XRCC4: variants seen among roughly 807,000 people sequenced by gnomAD.
XRCC4 encodes X-ray repair cross complementing 4.
Under a neutral mutation model 39.1 loss-of-function variants are expected in XRCC4, and 28 were observed. The observed-to-expected ratio is 0.72, with a 90% CI of 0.53 to 0.98. The LOEUF (loss-of-function observed/expected upper bound fraction) is 0.98, where lower values mean the gene tolerates loss of function less well. XRCC4 is among the 50% of genes least tolerant of loss of function. The pLI is 0.00. For missense variants in XRCC4, 350 were observed against 376.4 expected (o/e 0.93, Z 0.58); for synonymous variants, 123 against 126.4 (o/e 0.97, Z 0.18).
intron 3 of XRCC4, among the ~76,000 whole-genome samples, chr5:83,158,005 C>T (rs928695001): frequency 6.6e-6 from 1 of 152,158 alleles, no homozygotes; most frequent in South Asian, 2.1e-4. Flanking sequence ...ATGGGTAGTA[C>T]ATTATATGGG....
chr5:83,331,936 A>T (rs748600185), intron 7 of XRCC4, among the ~76,000 whole-genome samples: 2 of 152,104 alleles, frequency 1.3e-5, no homozygotes, highest in African/African-American at 2.4e-5. Flanking sequence ...TTCAGGATGG[A>T]TAGTACCAAA....
intron 3 of XRCC4, among the ~76,000 whole-genome samples, chr5:83,123,109 T>C (rs745343937): frequency 6.6e-6 from 1 of 152,164 alleles, no homozygotes; most frequent in Non-Finnish European, 1.5e-5. Flanking sequence ...TGTCTACTTC[T>C]TTTAAAAGTG....
intron 7 of XRCC4, among the ~76,000 whole-genome samples, chr5:83,315,963 G>A (rs1755866645): frequency 6.6e-6 from 1 of 152,096 alleles, no homozygotes; most frequent in African/African-American, 2.4e-5. Flanking sequence ...TTCCTCTGAT[G>A]GATCTTCGCA....
chr5:83,319,981 G>T (rs891395398), intron 7 of XRCC4, among the ~76,000 whole-genome samples: 162 of 149,386 alleles, frequency 1.1e-3, no homozygotes, highest in African/African-American at 3.8e-3. Context: ...TGATAGTCTG[G>T]ATTAAGAAAA....
At chr5:83,251,594 A>G (rs1328683838) in intron 6 of XRCC4, among the ~76,000 whole-genome samples, 1 of 152,054 alleles carries the variant, frequency 6.6e-6, no homozygotes, top group East Asian at 1.9e-4. Context: ...AATATCTAAT[A>G]TAATCAACTT....
chr5:83,288,240 A>G (rs1240362654), intron 7 of XRCC4, among the ~76,000 whole-genome samples: 1 of 151,866 alleles, frequency 6.6e-6, no homozygotes, highest in Non-Finnish European at 1.5e-5. Flanking sequence ...TATATCATGC[A>G]GGTGTTGGAT....
At chr5:83,094,912 A>G (rs10473864) in intron 1 of XRCC4, among the ~76,000 whole-genome samples, 1 of 119,534 alleles carries the variant, frequency 8.4e-6, no homozygotes, top group South Asian at 2.4e-4. Context: ...TTACCATTTT[A>G]TGGATTCCAT....
At chr5:83,355,756 C>T (rs964075676), downstream of XRCC4, among the ~76,000 whole-genome samples, 7 of 152,210 alleles carry the variant, frequency 4.6e-5, 1 homozygote, top group Non-Finnish European at 1.5e-5. Flanking sequence ...TCTTGTGCCT[C>T]AGACACCCAG....
At chr5:83,336,041 G>A (rs1004398698) in intron 7 of XRCC4, among the ~76,000 whole-genome samples, 4 of 151,858 alleles carry the variant, frequency 2.6e-5, no homozygotes, top group Non-Finnish European at 5.9e-5. Context: ...TTACAGAAAA[G>A]TGTTCAGTGA....
At chr5:83,248,828 A>T (rs1753205387) in intron 6 of XRCC4, among the ~76,000 whole-genome samples, 1 of 152,218 alleles carries the variant, frequency 6.6e-6, no homozygotes, top group South Asian at 2.1e-4. Context: ...TCATTTAAAA[A>T]ATAAAAACCT....
intron 7 of XRCC4, among the ~76,000 whole-genome samples, chr5:83,308,855 AAT>A (rs1381577817): frequency 6.6e-6 from 1 of 152,178 alleles, no homozygotes; most frequent in African/African-American, 2.4e-5. Context: ...TCTGTTATCT[AAT>A]ATTTTTAATC....
At chr5:83,203,774 A>C (rs529943644) in intron 5 of XRCC4, 67 bp downstream of exon 5, 1 of 1,570,384 alleles carries the variant, frequency 6.4e-7, no homozygotes, top group Non-Finnish European at 8.7e-7. Context: ...TCCCAAAGTT[A>C]ATGAACATTA....
chr5:83,077,644 T>C (rs1454682037), intron 1 of XRCC4, 29 bp downstream of exon 1: 1 of 343,164 alleles, frequency 2.9e-6, no homozygotes, highest in Non-Finnish European at 5.4e-6. Context: ...GCTGCCTCTT[T>C]AAATAACAAA....
At chr5:83,263,979 G>T (rs931476162) in intron 7 of XRCC4, among the ~76,000 whole-genome samples, 1 of 151,876 alleles carries the variant, frequency 6.6e-6, no homozygotes, top group Non-Finnish European at 1.5e-5. Context: ...ATGGTTTTAG[G>T]TCTAACGTTC....
At chr5:83,357,274 AGAAAT>A (rs1757200898), downstream of XRCC4, among the ~76,000 whole-genome samples, 1 of 152,232 alleles carries the variant, frequency 6.6e-6, no homozygotes, top group Non-Finnish European at 1.5e-5. Flanking sequence ...GTTATATTCT[AGAAAT>A]GAAAAGAATG....
intron 3 of XRCC4, among the ~76,000 whole-genome samples, chr5:83,176,564 A>C (rs923431042): frequency 1.3e-5 from 2 of 152,240 alleles, no homozygotes; most frequent in African/African-American, 4.8e-5. Context: ...TTCCTGGGCT[A>C]ATTTGCAAAG....
intron 6 of XRCC4, among the ~76,000 whole-genome samples, chr5:83,227,573 C>T (rs1010194880): frequency 1.3e-5 from 2 of 151,906 alleles, no homozygotes; most frequent in East Asian, 3.9e-4. Context: ...TTTTCAAGAT[C>T]GTTATCTAAA....
intron 3 of XRCC4, among the ~76,000 whole-genome samples, chr5:83,162,375 T>C (rs1198099552): frequency 6.6e-6 from 1 of 152,142 alleles, no homozygotes; most frequent in African/African-American, 2.4e-5. Flanking sequence ...CAGTGAGTTA[T>C]TCATTAGTGA....
chr5:83,359,787 C>T, the XRCC4 span, among the ~76,000 whole-genome samples: 1 of 152,090 alleles, frequency 6.6e-6, no homozygotes, highest in Admixed American at 6.6e-5. Context: ...TTTCAGAAGA[C>T]CTTCAATCAA....
Sources: allele counts gnomAD v4.1 joint callset (sites outside exome capture counted in the v4.1 genomes callset), GRCh38; gene constraint gnomAD v4.1.1; transcripts MANE v1.5; gene names NCBI Gene and HGNC (gene_info 2026-07-23, HGNC 2026-07-21).